TASP1: variants seen among roughly 807,000 people sequenced by gnomAD.
TASP1 encodes taspase 1.
TASP1 carries 16 observed loss-of-function variants against 56.6 expected under a neutral mutation model. The observed-to-expected ratio is 0.28, with a 90% CI of 0.19 to 0.43. The LOEUF (loss-of-function observed/expected upper bound fraction) is 0.43. TASP1 is among the 20% of genes least tolerant of loss of function. The pLI is 1.00. For synonymous variants in TASP1, 179 were observed against 184.2 expected (o/e 0.97, Z 0.23); for missense variants, 393 against 511.6 (o/e 0.77, Z 2.24).
chr20:13,352,780 C>G, the TASP1 span, among the ~76,000 whole-genome samples: 4 of 152,174 alleles, frequency 2.6e-5, no homozygotes, highest in African/African-American at 7.2e-5. Context: ...AGATAATACA[C>G]AAGAAAATAC....
At chr20:13,490,721 C>T (rs995249464) in intron 10 of TASP1, among the ~76,000 whole-genome samples, 2 of 150,896 alleles carry the variant, frequency 1.3e-5, no homozygotes, top group Non-Finnish European at 3.0e-5. Flanking sequence ...TACCTTAAGG[C>T]CTATAGGGTA....
the TASP1 span, among the ~76,000 whole-genome samples, chr20:13,293,868 G>A: frequency 1.3e-5 from 2 of 152,086 alleles, no homozygotes; most frequent in Non-Finnish European, 2.9e-5. Flanking sequence ...CAGCTACTCT[G>A]GAGGCTGAGG....
chr20:13,502,756 C>T (rs1028507866), intron 10 of TASP1, among the ~76,000 whole-genome samples: 6 of 151,956 alleles, frequency 3.9e-5, no homozygotes, highest in African/African-American at 1.5e-4. Context: ...ATCATCAATC[C>T]CCTAAAGGAG....
intron 11 of TASP1, among the ~76,000 whole-genome samples, chr20:13,477,795 T>C (rs1401857766): frequency 6.6e-6 from 1 of 152,186 alleles, no homozygotes; most frequent in Non-Finnish European, 1.5e-5. Context: ...ACAGTACCCA[T>C]TTTTATGAGT....
At chr20:13,369,186 C>T in the TASP1 span, among the ~76,000 whole-genome samples, 1 of 152,190 alleles carries the variant, frequency 6.6e-6, no homozygotes, top group African/African-American at 2.4e-5. Context: ...TGGCTCAAGC[C>T]TGTAATCCCA....
chr20:13,380,323 GTCAGGCC>G, the TASP1 span, among the ~76,000 whole-genome samples: 38 of 152,170 alleles, frequency 2.5e-4, no homozygotes, highest in African/African-American at 8.7e-4. Context: ...CCTTCTAACA[GTCAGGCC>G]TCTCTGCTGC....
the TASP1 span, among the ~76,000 whole-genome samples, chr20:13,292,781 C>G: frequency 1.3e-5 from 2 of 152,174 alleles, no homozygotes; most frequent in South Asian, 2.1e-4. Context: ...TCTGTTCTTA[C>G]TCAGCCTTCA....
intron 1 of TASP1, among the ~76,000 whole-genome samples, chr20:13,635,937 G>GT (rs112241136): frequency 1.9e-4 from 29 of 150,690 alleles, no homozygotes; most frequent in South Asian, 4.2e-4. Flanking sequence ...TGATGACACT[G>GT]TTTTTTTTTC....
At chr20:13,273,053 G>A in the TASP1 span, among the ~76,000 whole-genome samples, 1 of 152,128 alleles carries the variant, frequency 6.6e-6, no homozygotes, top group African/African-American at 2.4e-5. Flanking sequence ...GGATGCGGGA[G>A]AACGGAAGGC....
At chr20:13,221,961 T>A in the TASP1 span, 1 of 1,301,924 alleles carries the variant, frequency 7.7e-7, no homozygotes, top group Non-Finnish European at 9.7e-7. Context: ...GGGGACGGTT[T>A]GTGGGGCGGG....
At chr20:13,249,562 CT>C in the TASP1 span, among the ~76,000 whole-genome samples, 3 of 152,192 alleles carry the variant, frequency 2.0e-5, no homozygotes. Context: ...AATAAACGAG[CT>C]TTCATTTTGG....
intron 8 of TASP1, among the ~76,000 whole-genome samples, chr20:13,543,640 G>A (rs1398611732): frequency 6.6e-6 from 1 of 152,058 alleles, no homozygotes; most frequent in Non-Finnish European, 1.5e-5. Flanking sequence ...GACCAAACAG[G>A]AGGCCCTTGC....
At chr20:13,347,528 C>T in the TASP1 span, among the ~76,000 whole-genome samples, 13 of 152,204 alleles carry the variant, frequency 8.5e-5, no homozygotes, top group African/African-American at 3.1e-4. Flanking sequence ...CCCCAGTTGC[C>T]TCAATTTGAG....
the TASP1 span, among the ~76,000 whole-genome samples, chr20:13,112,631 C>G: frequency 6.6e-6 from 1 of 152,224 alleles, no homozygotes; most frequent in African/African-American, 2.4e-5. Context: ...GAAGTCCCCA[C>G]TTTCCAAGAA....
At chr20:13,254,713 G>T in the TASP1 span, among the ~76,000 whole-genome samples, 21 of 152,276 alleles carry the variant, frequency 1.4e-4, 1 homozygote, top group African/African-American at 4.8e-4. Context: ...GCCAGGACTC[G>T]GGGTCACCAC....
chr20:13,217,383 A>C, the TASP1 span, among the ~76,000 whole-genome samples: 1 of 152,196 alleles, frequency 6.6e-6, no homozygotes, highest in East Asian at 1.9e-4. Flanking sequence ...TTACATTGAA[A>C]CTACTCTTTG....
the TASP1 span, among the ~76,000 whole-genome samples, chr20:13,323,979 G>A: frequency 6.6e-6 from 1 of 152,164 alleles, no homozygotes; most frequent in Admixed American, 6.6e-5. Flanking sequence ...TGCTTTTAGG[G>A]TGTGTGCTTC....
chr20:13,586,316 T>C (rs1387659751), intron 5 of TASP1, among the ~76,000 whole-genome samples: 10 of 152,122 alleles, frequency 6.6e-5, no homozygotes, highest in Non-Finnish European at 1.5e-4. Flanking sequence ...ACAGAAGTTA[T>C]GGTATATCCA....
intron 13 of TASP1, among the ~76,000 whole-genome samples, chr20:13,411,406 G>A (rs2042089731): frequency 6.6e-6 from 1 of 152,106 alleles, no homozygotes; most frequent in African/African-American, 2.4e-5. Flanking sequence ...TAATTCTTCT[G>A]ATCCATGAGC....
Sources: gnomAD v4.1 joint callset for allele counts (sites outside exome capture counted in the v4.1 genomes callset) on GRCh38, gnomAD v4.1.1 for gene constraint, MANE v1.5 for transcripts, NCBI Gene and HGNC (gene_info 2026-07-23, HGNC 2026-07-21) for gene names.